The following PTPN1 variants were observed in gnomAD, a reference collection of about 807,000 sequenced individuals.
PTPN1 encodes the protein protein tyrosine phosphatase non-receptor type 1.
PTPN1 carries 12 observed loss-of-function variants against 59.9 expected under a neutral mutation model. The observed-to-expected ratio is 0.20, with a 90% CI of 0.13 to 0.32. The LOEUF is 0.32. PTPN1 is among the 10% of genes least tolerant of loss of function. The probability of loss-of-function intolerance (pLI) is 1.00; values close to 1 mark genes in which losing one functional copy is unlikely to be tolerated. For synonymous variants in PTPN1, 178 were observed against 203.6 expected, an observed-to-expected ratio of 0.87 and a Z score of 1.07; for missense variants, 356 against 549.2, an observed-to-expected ratio of 0.65 and a Z score of 3.52.
At chr20:50,516,698 T>C (rs2082530515) in intron 1 of PTPN1, among the ~76,000 whole-genome samples, 1 of 152,160 alleles carries the variant, frequency 6.6e-6, no homozygotes, top group African/African-American at 2.4e-5. Context: ...GGAAAATGAG[T>C]AGCCCTGACA....
Position 50,582,716 on chromosome 20 carries a change from C to T in PTPN1, c.*1C>T. Reference sequence around the variant, plus strand: ...GTTCCTGTTCAACAGCAACACATAGCCTGACCCTCCTCCACTCCACCTCCA... The same window carrying T: ...GTTCCTGTTCAACAGCAACACATAGTCTGACCCTCCTCCACTCCACCTCCA... On this transcript the variant is annotated 3_prime_UTR_variant, in exon 10 of 10. Coordinates refer to ENST00000371621, the MANE Select transcript of PTPN1 (RefSeq NM_002827.4). This position sits in a 1 kb window ranked among gnomAD's most constrained non-coding sequence, Gnocchi z 4.2. The T allele has an allele frequency of 6.2e-7, 1 of 1,613,822 alleles. No individual in the cohort carries two copies. The highest frequency in any genetic ancestry group is 8.5e-7 in the Non-Finnish European group (1 of 1,179,910).
chr20:50,565,288 A>T (rs556742384), intron 3 of PTPN1, among the ~76,000 whole-genome samples: 1 of 152,360 alleles, frequency 6.6e-6, no homozygotes, highest in African/African-American at 2.4e-5. Context: ...ATTGCTGGAA[A>T]TGAGAGCTTA....
Position 50,568,866 on chromosome 20 carries a change from TGA to T in PTPN1, c.354+392_354+393del, listed in dbSNP as rs2082792387. On this transcript the variant is annotated intron_variant, in intron 4 of 9. Transcript: ENST00000371621. The surrounding 1 kb of genome is among the most constrained non-coding windows in gnomAD (Gnocchi z 5.6). The stretch of plus-strand genomic sequence containing the variant: ...TCATGGTGTCTGATTTTTTGGCTGG[TGA>T]GAGTGTGGCTACCTCTGCGGAGCTG... Among the ~76,000 whole-genome samples the T allele has an allele frequency of 6.6e-6, 1 of 152,172 alleles. No homozygotes were observed. The highest frequency in any genetic ancestry group is 2.1e-4 in the South Asian group (1 of 4,830).
intron 1 of PTPN1, among the ~76,000 whole-genome samples, chr20:50,530,244 A>G (rs1050345085): frequency 2.0e-5 from 3 of 151,558 alleles, no homozygotes; most frequent in South Asian, 2.1e-4. Flanking sequence ...TGAATTTAGA[A>G]TAAAAGCACT....
intron 8 of PTPN1, among the ~76,000 whole-genome samples, chr20:50,580,641 T>C (rs990631454): frequency 1.3e-5 from 2 of 152,202 alleles, no homozygotes; most frequent in Admixed American, 1.3e-4. Flanking sequence ...CCTTGGTACC[T>C]GCTTTCTGGA....
At chr20:50,522,117 G>A (rs564944022) in intron 1 of PTPN1, among the ~76,000 whole-genome samples, 2 of 152,296 alleles carry the variant, frequency 1.3e-5, no homozygotes, top group East Asian at 3.9e-4. Context: ...GTAAAGTCTA[G>A]GATAAAATCA....
intron 1 of PTPN1, among the ~76,000 whole-genome samples, chr20:50,536,285 T>C (rs1399873342): frequency 6.6e-6 from 1 of 152,238 alleles, no homozygotes; most frequent in Non-Finnish European, 1.5e-5. Context: ...ATATAATTTA[T>C]GTTGGCGCTT....
At chr20:50,518,722 T>C (rs2082539182) in intron 1 of PTPN1, among the ~76,000 whole-genome samples, 1 of 152,214 alleles carries the variant, frequency 6.6e-6, no homozygotes, top group Admixed American at 6.5e-5. Context: ...ACTCTTATTG[T>C]TCTCTACTAC....
chr20:50,539,644 CTTTTTTTTTTTT>C (rs5841806), intron 1 of PTPN1, among the ~76,000 whole-genome samples: 7 of 90,550 alleles, frequency 7.7e-5, no homozygotes, highest in African/African-American at 2.3e-4. Context: ...CTCTTTCTCT[CTTTTTTTTTTTT>C]TTTTTTTTTT....
rs376294643 is a variant in PTPN1 at position 50,563,486 on chromosome 20, A to G, written c.155-1483A>G. On this transcript the variant is annotated intron_variant, in intron 2 of 9. Coordinates refer to ENST00000371621, the MANE Select transcript of PTPN1 (RefSeq NM_002827.4). ...GTGAGTTGTTTGCCCAGAGTCACCC[A>G]GTGCTGTTTGAACCCACTCACATAA... Among the ~76,000 whole-genome samples, 33 of 152,306 alleles carry G rather than the reference A, an allele frequency of 2.2e-4. No individual in the cohort carries two copies. In the East Asian group the frequency reaches 5.2e-3, roughly 24 times the overall value.
intron 1 of PTPN1, among the ~76,000 whole-genome samples, chr20:50,519,554 A>G (rs1439389882): frequency 1.3e-5 from 2 of 152,216 alleles, no homozygotes; most frequent in African/African-American, 2.4e-5. Context: ...TGTCTGTGAA[A>G]TGCAGCTGAA....
At chr20:50,517,368 C>T (rs1217440443) in intron 1 of PTPN1, among the ~76,000 whole-genome samples, 1 of 152,172 alleles carries the variant, frequency 6.6e-6, no homozygotes, top group Admixed American at 6.5e-5. Flanking sequence ...GATCCTCCCA[C>T]CTCAGGCTCC....
chr20:50,510,465 G>C lies in PTPN1; in HGVS notation c.-63G>C, dbSNP rs1018003392. ...GGCCTCGGGGCTAAGAGCGCGACGC[G>C]GCCTAGAGCGGCAGACGGCGCAGTG... On this transcript the variant is annotated 5_prime_UTR_variant, in exon 1 of 10. Coordinates refer to ENST00000371621, the MANE Select transcript of PTPN1 (RefSeq NM_002827.4). The C allele has an allele frequency of 1.3e-6, 2 of 1,526,424 alleles. No homozygotes were observed. Among genetic ancestry groups the C allele is most frequent in the African/African-American group, 1.4e-5 (1 of 71,812 alleles). The allele number at this position is 1,526,424 out of a possible 1,614,324, so 94.6% of individuals were successfully genotyped here.
chr20:50,532,116 A>G (rs1319181044), intron 1 of PTPN1, among the ~76,000 whole-genome samples: 2 of 152,242 alleles, frequency 1.3e-5, no homozygotes, highest in East Asian at 1.9e-4. Flanking sequence ...GTTGAAGAGG[A>G]TGGATGATAG....
intron 6 of PTPN1, 147 bp downstream of exon 6, chr20:50,578,776 C>A: frequency 1.4e-6 from 1 of 705,520 alleles, no homozygotes; most frequent in Non-Finnish European, 2.3e-6. Flanking sequence ...TAAAGGCGTA[C>A]CTGAGACTCG....
At chr20:50,570,503 G>C (rs2082802732) in intron 4 of PTPN1, among the ~76,000 whole-genome samples, 1 of 152,310 alleles carries the variant, frequency 6.6e-6, no homozygotes, top group South Asian at 2.1e-4. Context: ...TTAGTAGCTT[G>C]ATTAGTAAAA....
intron 1 of PTPN1, among the ~76,000 whole-genome samples, chr20:50,512,103 C>T (rs142422913): frequency 1.2e-3 from 178 of 152,186 alleles, no homozygotes; most frequent in African/African-American, 4.0e-3. Flanking sequence ...AATCTATATA[C>T]TAATAAGTAT....
intron 3 of PTPN1, among the ~76,000 whole-genome samples, chr20:50,565,533 A>T (rs1272754775): frequency 6.6e-6 from 1 of 152,258 alleles, no homozygotes; most frequent in Non-Finnish European, 1.5e-5. Context: ...TCATTGGATC[A>T]TGTGAACAAG....
chr20:50,561,262 T>A lies in PTPN1; in HGVS notation c.64-101T>A, dbSNP rs372390985. On this transcript the variant is annotated intron_variant, in intron 1 of 9. Transcript: ENST00000371621. ...TGGTACATACCTCTGAATTATCACC[T>A]TGCATTTCCCATATTGCCCGGCTCT... is the stretch of plus-strand genomic sequence containing the variant. The A allele has an allele frequency of 2.0e-5, 18 of 884,172 alleles. 1 individual carries two copies. In the African/African-American group the frequency reaches 2.9e-4, roughly 14 times the overall value. 54.8% of individuals were successfully genotyped at this position (884,172 alleles called of 1,614,324 possible).
Sources: gnomAD v4.1 joint callset for allele counts (sites outside exome capture counted in the v4.1 genomes callset) on GRCh38, gnomAD v4.1.1 for gene constraint, Gnocchi (gnomAD v3.1) non-coding constraint, MANE v1.5 for transcripts, NCBI Gene and HGNC (gene_info 2026-07-23, HGNC 2026-07-21) for gene names.